Variants in CDYL observed in about 807,000 individuals in gnomAD.
CDYL encodes the protein chromodomain Y-like protein.
Under a neutral mutation model 47.3 loss-of-function variants are expected in CDYL, and 8 were observed. That is an observed-to-expected ratio of 0.17 (90% CI 0.10 to 0.31). The LOEUF is 0.31. CDYL is among the 10% of genes least tolerant of loss of function. CDYL has a pLI of 1.00. For synonymous variants in CDYL, 266 were observed against 265.0 expected, an observed-to-expected ratio of 1.00 and a Z score of -0.04; for missense variants, 471 against 701.4, an observed-to-expected ratio of 0.67 and a Z score of 3.71.
At chr6:4,725,972 A>G (rs1757505434) in intron 2 of CDYL, among the ~76,000 whole-genome samples, 1 of 152,244 alleles carries the variant, frequency 6.6e-6, no homozygotes, top group Admixed American at 6.5e-5. Flanking sequence ...CACTGCATTT[A>G]TCTGTTGTCT....
At chr6:4,945,276 G>A (rs1758477908) in intron 5 of CDYL, among the ~76,000 whole-genome samples, 2 of 152,274 alleles carry the variant, frequency 1.3e-5, no homozygotes, top group African/African-American at 2.4e-5. Flanking sequence ...AAGGTTTATG[G>A]GAACTCTGTA....
chr6:4,764,880 A>G (rs1758228839), intron 3 of CDYL, among the ~76,000 whole-genome samples: 2 of 152,226 alleles, frequency 1.3e-5, no homozygotes, highest in South Asian at 4.1e-4. Context: ...TAATAGAGAG[A>G]AAACACTGCA....
chr6:4,779,179 G>A (rs6921417), intron 1 of CDYL, among the ~76,000 whole-genome samples: 23,844 of 152,096 alleles, frequency 0.16, 2,352 homozygotes, highest in African/African-American at 0.28. Flanking sequence ...GTAAATGAAC[G>A]CGATAGTCTG....
chr6:4,858,754 A>C (rs1254931763), intron 1 of CDYL, among the ~76,000 whole-genome samples: 3 of 152,248 alleles, frequency 2.0e-5, no homozygotes, highest in African/African-American at 7.2e-5. Context: ...AGACTGTGTG[A>C]GTTTGAATCC....
chr6:4,900,702 A>G (rs974245254), intron 2 of CDYL, among the ~76,000 whole-genome samples: 26 of 146,852 alleles, frequency 1.8e-4, no homozygotes, highest in African/African-American at 6.3e-4. Flanking sequence ...CATTGTTTTA[A>G]TTTTAAAACA....
chr6:4,761,376 C>T (rs925857733), intron 3 of CDYL, among the ~76,000 whole-genome samples: 3 of 152,158 alleles, frequency 2.0e-5, no homozygotes, highest in Admixed American at 2.0e-4. Flanking sequence ...CTGAGTCTTG[C>T]TCTGTCACCC....
At chr6:4,728,699 C>T (rs1757555575) in intron 2 of CDYL, among the ~76,000 whole-genome samples, 2 of 152,152 alleles carry the variant, frequency 1.3e-5, no homozygotes, top group African/African-American at 4.8e-5. Flanking sequence ...GGACAGAGGG[C>T]TTCAGTGACC....
intron 5 of CDYL, among the ~76,000 whole-genome samples, chr6:4,951,070 G>T (rs1758688170): frequency 6.6e-6 from 1 of 152,166 alleles, no homozygotes; most frequent in Non-Finnish European, 1.5e-5. Context: ...TCTCCAAGCT[G>T]CGGGTTTCAC....
intron 2 of CDYL, among the ~76,000 whole-genome samples, chr6:4,929,598 C>T (rs1757978809): frequency 6.6e-6 from 1 of 151,938 alleles, no homozygotes; most frequent in Non-Finnish European, 1.5e-5. Flanking sequence ...CTACAGGGCA[C>T]TCAGGTTCAT....
chr6:4,785,688 C>T (rs1023720379), intron 1 of CDYL, among the ~76,000 whole-genome samples: 5 of 152,212 alleles, frequency 3.3e-5, no homozygotes, highest in Admixed American at 6.5e-5. Context: ...CAAAAAGATG[C>T]ACCACCCCAT....
chr6:4,790,575 C>T (rs1367124455), intron 1 of CDYL, among the ~76,000 whole-genome samples: 2 of 152,168 alleles, frequency 1.3e-5, no homozygotes, highest in African/African-American at 2.4e-5. Flanking sequence ...AAGCAGAACA[C>T]AGAGCAGACT....
chr6:4,841,716 T>C (rs2127459162), intron 1 of CDYL, among the ~76,000 whole-genome samples: 1 of 152,124 alleles, frequency 6.6e-6, no homozygotes, highest in Non-Finnish European at 1.5e-5. Context: ...GGTTCCTTTT[T>C]GGAGTTGATT....
At chr6:4,738,786 T>C (rs560648469) in intron 3 of CDYL, among the ~76,000 whole-genome samples, 1 of 152,344 alleles carries the variant, frequency 6.6e-6, no homozygotes, top group South Asian at 2.1e-4. Flanking sequence ...TGTAGAAGAA[T>C]GGATAAATAA....
chr6:4,712,754 A>C (rs1223214916), intron 1 of CDYL, among the ~76,000 whole-genome samples: 1 of 152,218 alleles, frequency 6.6e-6, no homozygotes, highest in Admixed American at 6.5e-5. Context: ...TGGATGAGAG[A>C]GCAAAGCAAA....
At chr6:4,826,190 G>A (rs1425912006) in intron 1 of CDYL, among the ~76,000 whole-genome samples, 1 of 152,192 alleles carries the variant, frequency 6.6e-6, no homozygotes, top group Admixed American at 6.5e-5. Context: ...AGGTGGTTTA[G>A]TATCCATTGA....
At chr6:4,815,998 A>G (rs1371283931) in intron 1 of CDYL, among the ~76,000 whole-genome samples, 3 of 125,566 alleles carry the variant, frequency 2.4e-5, no homozygotes, top group African/African-American at 5.8e-5. Flanking sequence ...ACGTTATCCT[A>G]TTGGAGGATA....
intron 1 of CDYL, among the ~76,000 whole-genome samples, chr6:4,857,072 G>A (rs1472049737): frequency 2.0e-5 from 3 of 152,200 alleles, no homozygotes; most frequent in Non-Finnish European, 4.4e-5. Flanking sequence ...GCGTGGTTCA[G>A]TGTTATAGTT....
intron 3 of CDYL, among the ~76,000 whole-genome samples, chr6:4,767,607 G>A (rs570836702): frequency 1.3e-5 from 2 of 151,914 alleles, no homozygotes; most frequent in Admixed American, 6.5e-5. Context: ...GGAGGGGAGG[G>A]GAGGGGAGCA....
chr6:4,887,965 T>C (rs886193589), intron 1 of CDYL, among the ~76,000 whole-genome samples: 3 of 152,222 alleles, frequency 2.0e-5, no homozygotes, highest in East Asian at 1.9e-4. Context: ...TGTGATTTTT[T>C]CCCCTTTATT....
Sources: allele counts gnomAD v4.1 joint callset (sites outside exome capture counted in the v4.1 genomes callset), GRCh38; gene constraint gnomAD v4.1.1; transcripts MANE v1.5; gene names NCBI Gene and HGNC (gene_info 2026-07-23, HGNC 2026-07-21).